Variants in CNTNAP2 observed in about 807,000 individuals in gnomAD.
The protein encoded by CNTNAP2 is contactin-associated protein-like 2.
Under a neutral mutation model 155.2 loss-of-function variants are expected in CNTNAP2, and 98 were observed. The ratio of observed to expected loss-of-function variants is 0.63; its 90% CI spans 0.54 to 0.75. CNTNAP2 has a LOEUF of 0.75. Among genes scored for constraint, CNTNAP2 ranks in the 30% least tolerant of loss-of-function variants. CNTNAP2 has a pLI of 0.00. For missense variants in CNTNAP2, 1,727 were observed against 1,688.1 expected (o/e 1.02, Z -0.40); for synonymous variants, 651 against 631.2 (o/e 1.03, Z -0.47).
chr7:147,523,844 C>T (rs1159078654), intron 11 of CNTNAP2, among the ~76,000 whole-genome samples: 2 of 152,284 alleles, frequency 1.3e-5, no homozygotes, highest in Non-Finnish European at 2.9e-5. Flanking sequence ...TTGAACATAA[C>T]AGAATTTCAT....
chr7:148,297,199 A>AGGAAGGAAGGAAGGAG (rs1330394608), intron 21 of CNTNAP2, among the ~76,000 whole-genome samples: 2 of 151,320 alleles, frequency 1.3e-5, no homozygotes, highest in African/African-American at 2.4e-5. Context: ...GAAGGAAGGA[A>AGGAAGGAAGGAAGGAG]GGAAGGAAAA....
intron 13 of CNTNAP2, among the ~76,000 whole-genome samples, chr7:147,693,328 T>C (rs1401573113): frequency 6.6e-6 from 1 of 152,084 alleles, no homozygotes; most frequent in South Asian, 2.1e-4. Flanking sequence ...ATTTTGGGTA[T>C]GTTGCCCCTT....
At chr7:147,059,254 C>T (rs1205092084) in intron 4 of CNTNAP2, among the ~76,000 whole-genome samples, 6 of 152,110 alleles carry the variant, frequency 3.9e-5, no homozygotes, top group African/African-American at 1.4e-4. Flanking sequence ...CAAACGATTG[C>T]TTTAGTGGTT....
intron 9 of CNTNAP2, among the ~76,000 whole-genome samples, chr7:147,336,192 A>G (rs972099947): frequency 1.3e-5 from 2 of 152,192 alleles, no homozygotes; most frequent in Non-Finnish European, 2.9e-5. Context: ...GGTGATTTTA[A>G]TAGTATTATG....
intron 18 of CNTNAP2, among the ~76,000 whole-genome samples, chr7:148,183,090 C>G (rs899938273): frequency 2.0e-5 from 3 of 152,202 alleles, no homozygotes; most frequent in African/African-American, 7.2e-5. Flanking sequence ...GTACAGAGAG[C>G]CTGCTGTGGG....
intron 8 of CNTNAP2, among the ~76,000 whole-genome samples, chr7:147,148,495 T>G (rs1334149766): frequency 6.6e-6 from 1 of 152,128 alleles, no homozygotes; most frequent in African/African-American, 2.4e-5. Flanking sequence ...AGAAGTCCTA[T>G]GACTTGTAAA....
At chr7:146,527,441 T>C (rs1479915533) in intron 1 of CNTNAP2, among the ~76,000 whole-genome samples, 1 of 152,158 alleles carries the variant, frequency 6.6e-6, no homozygotes, top group Non-Finnish European at 1.5e-5. Flanking sequence ...TTTCAGCTAC[T>C]ATGCATGAGA....
intron 21 of CNTNAP2, among the ~76,000 whole-genome samples, chr7:148,314,971 T>C (rs1797661786): frequency 6.6e-6 from 1 of 152,022 alleles, no homozygotes; most frequent in Non-Finnish European, 1.5e-5. Flanking sequence ...AAGGGAGAGA[T>C]TGAAGTGTGG....
intron 19 of CNTNAP2, among the ~76,000 whole-genome samples, chr7:148,220,634 G>GA (rs5888310): frequency 0.69 from 101,432 of 147,874 alleles, 35,711 homozygotes; most frequent in Admixed American, 0.79. Context: ...TATAGGGATA[G>GA]AAAAAAAAAA....
rs891998688 is a variant in CNTNAP2, at chr7:148,186,421, T to C, written c.3010+13943T>C. ...GAGATTGGAATCCTAGGTCCCTGAC[T>C]CCAAGCCTAGTGTTTTTTCCACCAT... On this transcript the variant is annotated intron_variant, in intron 18 of 23. Transcript: ENST00000361727. Among the ~76,000 whole-genome samples the C allele has an allele frequency of 2.6e-5, 4 of 152,310 alleles. No homozygotes were observed. In the East Asian group the frequency reaches 7.7e-4, roughly 29 times the overall value.
intron 1 of CNTNAP2, among the ~76,000 whole-genome samples, chr7:146,454,650 T>A (rs1267471467): frequency 5.3e-5 from 8 of 151,968 alleles, no homozygotes; most frequent in Non-Finnish European, 8.8e-5. Context: ...ATGAATACTG[T>A]ATGAAGTATT....
chr7:147,207,138 CTGT>C (rs910028911), intron 8 of CNTNAP2, among the ~76,000 whole-genome samples: 4 of 152,174 alleles, frequency 2.6e-5, no homozygotes, highest in African/African-American at 9.7e-5. Flanking sequence ...ATGTGAAAAA[CTGT>C]TGTCAGGAAC....
chr7:148,148,973 G>A lies in CNTNAP2; in HGVS notation c.2773+1264G>A, dbSNP rs530495916. On this transcript the variant is annotated intron_variant, in intron 17 of 23. Transcript: ENST00000361727. ...AAAATTACACATTATTTTTTAATTA[G>A]CTAAATATCAGGTCCATTGATCCCT... Among the ~76,000 whole-genome samples, 4 of 152,242 alleles carry A rather than the reference G, an allele frequency of 2.6e-5. No individual in the cohort carries two copies. In the South Asian group the frequency reaches 8.3e-4, roughly 32 times the overall value.
chr7:146,945,856 T>G (rs1477833418), intron 3 of CNTNAP2, among the ~76,000 whole-genome samples: 25 of 152,026 alleles, frequency 1.6e-4, no homozygotes, highest in Admixed American at 1.3e-4. Flanking sequence ...CCAGAAAGAG[T>G]ACAATGATCA....
intron 8 of CNTNAP2, among the ~76,000 whole-genome samples, chr7:147,233,305 A>G: frequency 6.6e-6 from 1 of 152,152 alleles, no homozygotes; most frequent in East Asian, 1.9e-4. Flanking sequence ...GGTGATCCCT[A>G]GTCACCTGTG....
chr7:147,787,267 C>T (rs1261951762), intron 13 of CNTNAP2, among the ~76,000 whole-genome samples: 2 of 152,112 alleles, frequency 1.3e-5, no homozygotes, highest in Admixed American at 6.5e-5. Flanking sequence ...GATGTGGTCC[C>T]AGGAGTCCCA....
At chr7:148,271,438 C>T (rs1796777210) in intron 21 of CNTNAP2, among the ~76,000 whole-genome samples, 1 of 152,160 alleles carries the variant, frequency 6.6e-6, no homozygotes, top group Admixed American at 6.5e-5. Context: ...AAATGTTCCC[C>T]AGGAGGGAAA....
intron 1 of CNTNAP2, among the ~76,000 whole-genome samples, chr7:146,207,412 C>G (rs148854092): frequency 1.3e-5 from 2 of 151,906 alleles, no homozygotes; most frequent in Non-Finnish European, 2.9e-5. Context: ...TTAAAATAAG[C>G]ATCATACAAA....
chr7:148,098,311 G>A (rs1306304041), intron 15 of CNTNAP2, among the ~76,000 whole-genome samples: 5 of 151,946 alleles, frequency 3.3e-5, no homozygotes, highest in Admixed American at 3.3e-4. Context: ...GAGTGTGGTG[G>A]CACACGCCTG....
Sources: gnomAD v4.1 joint callset for allele counts (sites outside exome capture counted in the v4.1 genomes callset) on GRCh38, gnomAD v4.1.1 for gene constraint, MANE v1.5 for transcripts, NCBI Gene and HGNC (gene_info 2026-07-23, HGNC 2026-07-21) for gene names.